Variants in WSCD2 observed in about 807,000 individuals in gnomAD.
The protein encoded by WSCD2 is WSC domain sialate O sulfotransferase 2, also known as sialate:O-sulfotransferase 2.
A neutral mutation model predicts 55.7 loss-of-function variants in WSCD2; 28 were observed. That is an observed-to-expected ratio of 0.50 (90% confidence interval 0.37 to 0.69). The LOEUF (loss-of-function observed/expected upper bound fraction) is 0.69, where lower values mean the gene tolerates loss of function less well. WSCD2 is among the 30% of genes least tolerant of loss of function. The pLI, the probability that WSCD2 is intolerant of heterozygous loss-of-function variation, is 0.00. For missense variants in WSCD2, 616 were observed against 762.1 expected (o/e 0.81, Z 2.26); for synonymous variants, 301 against 301.9 (o/e 1.00, Z 0.03).
In WSCD2 at chr12:108,201,806, C is replaced by T. The variant is rs114335908; in HGVS notation, c.383-4483C>T. Among the ~76,000 whole-genome samples the T allele has an allele frequency of 6.7e-3, 1,025 of 152,096 alleles. 21 individuals carry two copies. The highest frequency in any genetic ancestry group is 0.024 in the African/African-American group (985 of 41,486). ...CACCTTCATTGAAGAGAGCAAAATTCCATGAAAAGATTAATTGTAGCAAAA... is the reference window on the plus strand; with the variant it reads ...CACCTTCATTGAAGAGAGCAAAATTTCATGAAAAGATTAATTGTAGCAAAA... On this transcript the variant is annotated intron_variant, in intron 2 of 8. Coordinates refer to ENST00000547525, the MANE Select transcript of WSCD2 (RefSeq NM_014653.4).
chr12:108,143,676 G>C (rs1877090295), intron 1 of WSCD2, among the ~76,000 whole-genome samples: 1 of 152,150 alleles, frequency 6.6e-6, no homozygotes, highest in African/African-American at 2.4e-5. Context: ...ATATAGGCCA[G>C]ACAGGGGCCC....
At chr12:108,226,851 G>A (rs1315394685) in intron 5 of WSCD2, 139 bp from the exon 6 acceptor site, 14 of 1,003,244 alleles carry the variant, frequency 1.4e-5, no homozygotes, top group Non-Finnish European at 2.0e-5. Context: ...TTTGTGGATG[G>A]AATTTGGGGA....
chr12:108,177,069 C>A (rs1267209808), intron 1 of WSCD2, among the ~76,000 whole-genome samples: 1 of 152,036 alleles, frequency 6.6e-6, no homozygotes, highest in African/African-American at 2.4e-5. Flanking sequence ...GCAAGCCATC[C>A]CAGCTCTGCC....
intron 6 of WSCD2, among the ~76,000 whole-genome samples, chr12:108,230,830 T>C (rs1239951164): frequency 3.9e-5 from 6 of 152,116 alleles, no homozygotes; most frequent in Non-Finnish European, 2.9e-5. Context: ...ACCTTGCCCA[T>C]AACCGGTCCA....
chr12:108,133,784 G>A (rs338163), intron 1 of WSCD2, among the ~76,000 whole-genome samples: 109,052 of 152,074 alleles, frequency 0.72, 39,703 homozygotes, highest in East Asian at 0.91. Context: ...GCCCAAATCT[G>A]TCTTGCCAGA....
chr12:108,242,157 T>G (rs962627121), intron 8 of WSCD2, among the ~76,000 whole-genome samples: 2 of 152,232 alleles, frequency 1.3e-5, no homozygotes, highest in Admixed American at 1.3e-4. Flanking sequence ...CAGGATGACG[T>G]AACTCAGCAA....
chr12:108,212,700 G>A (rs967116905), intron 4 of WSCD2, among the ~76,000 whole-genome samples: 4 of 151,954 alleles, frequency 2.6e-5, no homozygotes, highest in Admixed American at 2.0e-4. Context: ...CATTGGCCAT[G>A]GGTGAGCTGG....
intron 3 of WSCD2, among the ~76,000 whole-genome samples, chr12:108,208,422 C>T (rs1885703670): frequency 6.6e-6 from 1 of 152,114 alleles, no homozygotes; most frequent in Non-Finnish European, 1.5e-5. Flanking sequence ...GGTGGATGTG[C>T]TTTGCAAGGT....
chr12:108,227,588 C>T (rs1888251070), intron 6 of WSCD2, among the ~76,000 whole-genome samples: 1 of 152,178 alleles, frequency 6.6e-6, no homozygotes, highest in African/African-American at 2.4e-5. Context: ...GTCATTTTAT[C>T]TATAAGTTCT....
intron 4 of WSCD2, among the ~76,000 whole-genome samples, chr12:108,218,812 A>G (rs2137136733): frequency 6.6e-6 from 1 of 152,250 alleles, no homozygotes; most frequent in Non-Finnish European, 1.5e-5. Flanking sequence ...CGGGACAGAC[A>G]CCAGCAGTGT....
intron 1 of WSCD2, among the ~76,000 whole-genome samples, chr12:108,138,279 G>T (rs1161419134): frequency 1.3e-5 from 2 of 152,184 alleles, no homozygotes; most frequent in Non-Finnish European, 2.9e-5. Context: ...TGCCATAGAT[G>T]CCCCGGCCTC....
intron 1 of WSCD2, among the ~76,000 whole-genome samples, chr12:108,188,655 G>T (rs556108969): frequency 6.0e-4 from 91 of 152,210 alleles, no homozygotes; most frequent in African/African-American, 2.0e-3. Flanking sequence ...ACCAAGAAGG[G>T]TGAGAAAGAA....
chr12:108,215,528 A>G (rs1013591335), intron 4 of WSCD2, among the ~76,000 whole-genome samples: 4 of 152,256 alleles, frequency 2.6e-5, no homozygotes, highest in African/African-American at 7.2e-5. Flanking sequence ...TGAATTTCCA[A>G]CAGCCCACAG....
chr12:108,168,178 G>A (rs978533879), intron 1 of WSCD2, among the ~76,000 whole-genome samples: 16 of 152,200 alleles, frequency 1.1e-4, no homozygotes, highest in African/African-American at 3.4e-4. Context: ...CCTGGAAGCC[G>A]TAGCTATTTT....
At chr12:108,242,435 G>A (rs1162509044) in intron 8 of WSCD2, among the ~76,000 whole-genome samples, 1 of 152,122 alleles carries the variant, frequency 6.6e-6, no homozygotes, top group African/African-American at 2.4e-5. Context: ...AATGGTAGTA[G>A]CCTGTCCTAA....
chr12:108,193,459 G>C (rs559772102), intron 1 of WSCD2, among the ~76,000 whole-genome samples: 71 of 152,204 alleles, frequency 4.7e-4, no homozygotes, highest in Non-Finnish European at 8.8e-4. Context: ...TGGAGAGTTG[G>C]ATGGATGGAT....
At chr12:108,135,386 CTTT>C (rs1441871264) in intron 1 of WSCD2, among the ~76,000 whole-genome samples, 1 of 152,206 alleles carries the variant, frequency 6.6e-6, no homozygotes, top group African/African-American at 2.4e-5. Context: ...AGACTTTACC[CTTT>C]ACTGGAAGGA....
intron 1 of WSCD2, among the ~76,000 whole-genome samples, chr12:108,173,584 AGTCACCTGTG>A (rs1241822892): frequency 6.6e-6 from 1 of 151,816 alleles, no homozygotes. Context: ...GCCAGATCCA[AGTCACCTGTG>A]GACTGATTGC....
At chr12:108,231,718 AC>A (rs1888782333) in intron 6 of WSCD2, among the ~76,000 whole-genome samples, 1 of 152,236 alleles carries the variant, frequency 6.6e-6, no homozygotes. Context: ...CCTGCTGTAT[AC>A]CAGATATTGT....
Sources: allele counts gnomAD v4.1 joint callset (sites outside exome capture counted in the v4.1 genomes callset), GRCh38; gene constraint gnomAD v4.1.1; transcripts MANE v1.5; gene names NCBI Gene and HGNC (gene_info 2026-07-23, HGNC 2026-07-21).